ITPR1: variants seen among roughly 807,000 people sequenced by gnomAD.
ITPR1 encodes the protein inositol 1,4,5-trisphosphate receptor type 1.
Under a neutral mutation model 318.4 loss-of-function variants are expected in ITPR1, and 96 were observed. The observed-to-expected ratio is 0.30, with a 90% CI of 0.26 to 0.36. The LOEUF is 0.36. Among genes scored for constraint, ITPR1 ranks in the 10% least tolerant of loss-of-function variants. ITPR1 has a pLI of 1.00. For missense variants in ITPR1, 2,440 were observed against 3,460.2 expected, an observed-to-expected ratio of 0.71 and a Z score of 7.40; for synonymous variants, 1,312 against 1,289.9, an observed-to-expected ratio of 1.02 and a Z score of -0.37.
chr3:4,756,678 G>A (rs370893850), intron 44 of ITPR1, among the ~76,000 whole-genome samples: 11 of 151,778 alleles, frequency 7.2e-5, no homozygotes, highest in East Asian at 1.9e-4. Context: ...TTTTCATGCC[G>A]TCCAAACTTA....
intron 55 of ITPR1, among the ~76,000 whole-genome samples, chr3:4,809,487 A>AT (rs2048797528): frequency 6.6e-6 from 1 of 152,306 alleles, no homozygotes; most frequent in African/African-American, 2.4e-5. Flanking sequence ...ATGGTCTAAT[A>AT]TTTTTGTAAA....
intron 44 of ITPR1, among the ~76,000 whole-genome samples, chr3:4,744,557 G>A (rs2043941736): frequency 6.6e-6 from 1 of 152,214 alleles, no homozygotes; most frequent in African/African-American, 2.4e-5. Context: ...CTGCTTTCCT[G>A]CTTCAGGGGC....
rs188905695 is a variant in ITPR1 at position 4,530,251 on chromosome 3, C to T, written c.163+9157C>T. 2.6e-5 allele frequency among the ~76,000 whole-genome samples: 4 copies of T among 152,328 alleles called. No individual in the cohort carries two copies. In the South Asian group the frequency reaches 8.3e-4, roughly 32 times the overall value. On this transcript the variant is annotated intron_variant, in intron 4 of 61. Coordinates refer to ENST00000649015, the MANE Select transcript of ITPR1 (RefSeq NM_001378452.1). ...TCTCCTCGCCAGATTTTGGAGCACTCAAAGGGACCAAATCTTGCCCTGCAC... is the reference window on the plus strand; with the variant it reads ...TCTCCTCGCCAGATTTTGGAGCACTTAAAGGGACCAAATCTTGCCCTGCAC...
In ITPR1 at chr3:4,795,256, G is replaced by C. The variant is rs975326531; in HGVS notation, c.6931+69G>C. 1.4e-5 allele frequency: 21 copies of C among 1,512,538 alleles called. No homozygotes were observed. The African/African-American group carries it at 2.9e-4, about 21-fold the overall frequency. The allele number at this position is 1,512,538 out of a possible 1,614,324, so 93.7% of individuals were successfully genotyped here. ...GAAGGCTAGGACTTGCATCTCAGTT[G>C]TGGTTCCTGGATGTATTGGTGCAGT... On this transcript the variant is annotated intron_variant, in intron 53 of 61. Coordinates refer to ENST00000649015, the MANE Select transcript of ITPR1 (RefSeq NM_001378452.1).
intron 46 of ITPR1, among the ~76,000 whole-genome samples, chr3:4,769,447 C>G (rs1053335736): frequency 1.3e-5 from 2 of 152,150 alleles, no homozygotes; most frequent in Non-Finnish European, 2.9e-5. Flanking sequence ...TATTAGATTT[C>G]TAAAATTGGA....
In ITPR1 at chr3:4,685,185, G is replaced by A; in HGVS notation, c.3681G>A (p.Leu1227=). 6.2e-7 allele frequency: 1 copy of A among 1,604,762 alleles called. No individual in the cohort carries two copies. The highest frequency in any genetic ancestry group is 1.3e-5 in the African/African-American group (1 of 75,010). The change falls in exon 30 of 62, where the codon CTG becomes CTA. Residue 1227 remains leucine (L), a synonymous_variant. Transcript: ENST00000649015. Reference sequence around the variant, plus strand: ...GCGCGCACGCCGTGGTGCTGGAGCTGCTGCAGATTCCCTATGAGAAGGTGA... The same window carrying A: ...GCGCGCACGCCGTGGTGCTGGAGCTACTGCAGATTCCCTATGAGAAGGTGA... ...NMGAHAVVLE[L]LQIPYEKAED...
At chr3:4,671,677 A>G (rs1447906663) in intron 20 of ITPR1, 1 of 152,282 alleles carries the variant, frequency 6.6e-6, no homozygotes, top group Non-Finnish European at 1.5e-5. Context: ...GAAGGGGAAG[A>G]AAGAAAGGAA....
At position 4,555,984 on chromosome 3, in the gene ITPR1, C is replaced by T. The variant is rs184996597; in HGVS notation, c.163+34890C>T. Among the ~76,000 whole-genome samples, 53 of 152,256 alleles carry T rather than the reference C, an allele frequency of 3.5e-4. 1 individual carries two copies. Among genetic ancestry groups the T allele is most frequent in the Middle Eastern group, 6.8e-3 (2 of 294 alleles). On this transcript the variant is annotated intron_variant, in intron 4 of 61. Transcript: ENST00000649015. ...CCAGGGTCTGTGCTCGTAGACACTG[C>T]GTCGTGCTGTGTTTTAGCAGTGAGA...
chr3:4,645,175 CA>C (rs2093426784), intron 8 of ITPR1, among the ~76,000 whole-genome samples: 1 of 152,166 alleles, frequency 6.6e-6, no homozygotes, highest in Admixed American at 6.5e-5. Context: ...TTGGAATGTG[CA>C]TAGTGATTGG....
intron 26 of ITPR1, among the ~76,000 whole-genome samples, chr3:4,681,668 G>A (rs2094304831): frequency 9.0e-6 from 1 of 110,812 alleles, no homozygotes; most frequent in African/African-American, 3.4e-5. Flanking sequence ...TCCCACCTAG[G>A]ACAGAAAGGA....
chr3:4,500,993 A>C (rs1042270062), intron 2 of ITPR1, among the ~76,000 whole-genome samples: 1 of 151,646 alleles, frequency 6.6e-6, no homozygotes, highest in Non-Finnish European at 1.5e-5. Flanking sequence ...AGTTGGGACC[A>C]CCAGCGTGCC....
At chr3:4,603,649 T>C (rs1264023604) in intron 4 of ITPR1, among the ~76,000 whole-genome samples, 1 of 152,136 alleles carries the variant, frequency 6.6e-6, no homozygotes, top group Non-Finnish European at 1.5e-5. Flanking sequence ...AGGATGGTCT[T>C]GATTTCCTGA....
chr3:4,618,349 G>A (rs1483008658), intron 4 of ITPR1, among the ~76,000 whole-genome samples: 1 of 152,132 alleles, frequency 6.6e-6, no homozygotes, highest in African/African-American at 2.4e-5. Flanking sequence ...TCTAGATGAT[G>A]TGTGTCTCTT....
In ITPR1 at chr3:4,674,201, G is replaced by T; in HGVS notation, c.2457-1G>T. On this transcript the variant is annotated splice_acceptor_variant, in intron 21 of 61. Coordinates refer to ENST00000649015, the MANE Select transcript of ITPR1 (RefSeq NM_001378452.1). LOFTEE classifies it high-confidence loss of function. ...TTCCTTTCTTTCTCCTTTCTTTTCAGCTATGATAGTAGTGGAGCTTCCAAA... is the reference window on the plus strand; with the variant it reads ...TTCCTTTCTTTCTCCTTTCTTTTCATCTATGATAGTAGTGGAGCTTCCAAA... The T allele has an allele frequency of 6.5e-7, 1 of 1,542,060 alleles. No homozygotes were observed. Among genetic ancestry groups the T allele is most frequent in the Non-Finnish European group, 8.7e-7 (1 of 1,144,634 alleles).
chr3:4,514,519 A>G (rs1300224355), intron 2 of ITPR1, among the ~76,000 whole-genome samples: 1 of 152,162 alleles, frequency 6.6e-6, no homozygotes, highest in African/African-American at 2.4e-5. Flanking sequence ...TGGTTCACAA[A>G]ACAGCAGGCA....
At chr3:4,639,600 A>G (rs1230114202) in intron 6 of ITPR1, 130 bp downstream of exon 6, 2 of 679,616 alleles carry the variant, frequency 2.9e-6, no homozygotes, top group South Asian at 1.7e-5. Context: ...GTTTATTGCA[A>G]AAAGTCTAGT....
rs78895819 is a variant in ITPR1 at position 4,597,717 on chromosome 3, A to G, written c.164-30046A>G. Among the ~76,000 whole-genome samples, 833 of 152,338 alleles carry G rather than the reference A, an allele frequency of 5.5e-3. 11 individuals carry two copies. Among genetic ancestry groups the G allele is most frequent in the African/African-American group, 0.019 (801 of 41,584 alleles). On this transcript the variant is annotated intron_variant, in intron 4 of 61. Coordinates refer to ENST00000649015, the MANE Select transcript of ITPR1 (RefSeq NM_001378452.1). ...TCAGTGACCCGGTTTGGCTAGAGGT[A>G]AAGTCCAGGTTAACTTTGATCTGGA...
At chr3:4,772,153 T>A (rs2046228734) in intron 46 of ITPR1, among the ~76,000 whole-genome samples, 1 of 152,244 alleles carries the variant, frequency 6.6e-6, no homozygotes, top group Non-Finnish European at 1.5e-5. Flanking sequence ...ACTCAGCCAC[T>A]CTGAGTGCCA....
chr3:4,764,998 G>T (rs1470291451), intron 44 of ITPR1, among the ~76,000 whole-genome samples: 2 of 151,744 alleles, frequency 1.3e-5, no homozygotes, highest in Non-Finnish European at 2.9e-5. Flanking sequence ...GGGTGAATGG[G>T]TGGGTGGGTG....
Sources: allele counts gnomAD v4.1 joint callset (sites outside exome capture counted in the v4.1 genomes callset), GRCh38; gene constraint gnomAD v4.1.1; transcripts MANE v1.5; gene names NCBI Gene and HGNC (gene_info 2026-07-23, HGNC 2026-07-21).